The following EPHA6 variants were observed in gnomAD, a reference collection of about 807,000 sequenced individuals.
The protein encoded by EPHA6 is ephrin type-A receptor 6.
A neutral mutation model predicts 112.0 loss-of-function variants in EPHA6; 50 were observed. The ratio of observed to expected loss-of-function variants is 0.45; its 90% CI spans 0.36 to 0.56. The LOEUF is 0.56. EPHA6 is among the 20% of genes least tolerant of loss of function. The pLI, the probability that EPHA6 is intolerant of heterozygous loss-of-function variation, is 0.00. For missense variants in EPHA6, 1,280 were observed against 1,417.4 expected, an observed-to-expected ratio of 0.90 and a Z score of 1.56; for synonymous variants, 529 against 490.7, an observed-to-expected ratio of 1.08 and a Z score of -1.03.
chr3:97,738,378 A>G (rs2035363970), intron 16 of EPHA6, among the ~76,000 whole-genome samples: 1 of 152,102 alleles, frequency 6.6e-6, no homozygotes, highest in Admixed American at 6.6e-5. Context: ...TAGAGTTAAC[A>G]GAATCCACAA....
intron 6 of EPHA6, among the ~76,000 whole-genome samples, chr3:97,408,244 G>A (rs2087488393): frequency 6.6e-6 from 1 of 151,912 alleles, no homozygotes; most frequent in South Asian, 2.1e-4. Flanking sequence ...CTGTTACAAT[G>A]ACAATTAAAT....
In EPHA6 at chr3:97,291,773, T is replaced by A. The variant is rs549793825; in HGVS notation, c.1606+47486T>A. Among the ~76,000 whole-genome samples, 43 of 152,312 alleles carry A rather than the reference T, an allele frequency of 2.8e-4. No homozygotes were observed. The East Asian group carries it at 6.9e-3, about 25-fold the overall frequency. ...ATCCCTTTATTCTATAATGACCTTG[T>A]CTCTTTTTACTGCTTTTGACTTAAA... On this transcript the variant is annotated intron_variant, in intron 5 of 17. Transcript: ENST00000389672.
At chr3:97,058,047 G>T (rs538173624) in intron 3 of EPHA6, among the ~76,000 whole-genome samples, 9 of 150,938 alleles carry the variant, frequency 6.0e-5, no homozygotes, top group African/African-American at 2.2e-4. Context: ...GTTTTTAGTT[G>T]TAAAAAGTGA....
chr3:97,495,228 AT>A (rs1383037596), intron 10 of EPHA6, among the ~76,000 whole-genome samples: 1 of 151,592 alleles, frequency 6.6e-6, no homozygotes, highest in Non-Finnish European at 1.5e-5. Context: ...GCAATATTAT[AT>A]TTTTATAGGT....
chr3:96,936,662 G>C (rs1465214116), intron 2 of EPHA6, among the ~76,000 whole-genome samples: 2 of 151,680 alleles, frequency 1.3e-5, no homozygotes, highest in African/African-American at 4.8e-5. Flanking sequence ...ACAATGTGCA[G>C]GTTTGTTACA....
At chr3:96,959,141 C>T (rs1270595872) in intron 2 of EPHA6, among the ~76,000 whole-genome samples, 3 of 151,646 alleles carry the variant, frequency 2.0e-5, no homozygotes, top group Non-Finnish European at 2.9e-5. Flanking sequence ...CTTGAGTGTT[C>T]CAATTGCTCC....
At chr3:97,178,003 C>T (rs1455470795) in intron 3 of EPHA6, among the ~76,000 whole-genome samples, 2 of 151,792 alleles carry the variant, frequency 1.3e-5, no homozygotes, top group African/African-American at 2.4e-5. Context: ...ACTTGGTTTT[C>T]TGATTGTTTT....
intron 14 of EPHA6, among the ~76,000 whole-genome samples, chr3:97,668,865 T>C (rs180775259): frequency 0.011 from 1,284 of 118,466 alleles, 18 homozygotes; most frequent in African/African-American, 0.039. Flanking sequence ...GTGAGCCAGA[T>C]GGTGCCACTG....
At position 97,290,192 on chromosome 3, in the gene EPHA6, G is replaced by T. The variant is rs576277997; in HGVS notation, c.1606+45905G>T. On this transcript the variant is annotated intron_variant, in intron 5 of 17. Coordinates refer to ENST00000389672, the MANE Select transcript of EPHA6 (RefSeq NM_001080448.3). ...TATTTCAAAGAATTTTTTAAATTCTGTGTTAATTTTGTTGTTTACTCAAAA... is the reference window on the plus strand; with the variant it reads ...TATTTCAAAGAATTTTTTAAATTCTTTGTTAATTTTGTTGTTTACTCAAAA... Among the ~76,000 whole-genome samples, 16 of 152,132 alleles carry T rather than the reference G, an allele frequency of 1.1e-4. No homozygotes were observed. The South Asian group carries it at 3.1e-3, about 30-fold the overall frequency.
intron 12 of EPHA6, among the ~76,000 whole-genome samples, chr3:97,596,286 A>G (rs2093590183): frequency 6.6e-6 from 1 of 152,130 alleles, no homozygotes; most frequent in Non-Finnish European, 1.5e-5. Context: ...ATGTTGTCAA[A>G]CAGTATTTGA....
At chr3:97,736,155 A>G in intron 16 of EPHA6, 37 bp downstream of exon 16, 1 of 1,547,934 alleles carries the variant, frequency 6.5e-7, no homozygotes, top group Non-Finnish European at 8.8e-7. Flanking sequence ...TCTTCTTGAC[A>G]ATTATGGTTT....
chr3:97,269,133 G>T (rs981572863), intron 5 of EPHA6, among the ~76,000 whole-genome samples: 32 of 152,152 alleles, frequency 2.1e-4, no homozygotes, highest in Non-Finnish European at 3.7e-4. Flanking sequence ...TTCATCAGTT[G>T]TTCCCAGATT....
intron 3 of EPHA6, among the ~76,000 whole-genome samples, chr3:97,026,814 G>C (rs1326998055): frequency 1.3e-5 from 2 of 152,068 alleles, no homozygotes; most frequent in Non-Finnish European, 2.9e-5. Context: ...GGAGAAAAAA[G>C]AAATCATATT....
chr3:97,190,911 C>A (rs2077288566), intron 3 of EPHA6, among the ~76,000 whole-genome samples: 1 of 151,988 alleles, frequency 6.6e-6, no homozygotes, highest in Non-Finnish European at 1.5e-5. Flanking sequence ...TAATGTATTG[C>A]AAAAGGTGTA....
intron 10 of EPHA6, among the ~76,000 whole-genome samples, chr3:97,516,582 A>T (rs1046888453): frequency 1.3e-5 from 2 of 152,200 alleles, no homozygotes; most frequent in African/African-American, 4.8e-5. Flanking sequence ...AACATTAATA[A>T]TAACGGAATT....
chr3:97,139,242 G>A lies in EPHA6; in HGVS notation c.1115-87022G>A, dbSNP rs138548405. 5.9e-5 allele frequency among the ~76,000 whole-genome samples: 9 copies of A among 152,224 alleles called. 1 individual carries two copies. The East Asian group carries it at 1.6e-3, about 26-fold the overall frequency. On this transcript the variant is annotated intron_variant, in intron 3 of 17. Transcript: ENST00000389672. Reference sequence around the variant, plus strand: ...AATTCTCTTGATTAACAAAGGGCAAGTAAAAATTTCACTGCCACCAACACA... The same window carrying A: ...AATTCTCTTGATTAACAAAGGGCAAATAAAAATTTCACTGCCACCAACACA...
At chr3:97,414,857 A>G (rs747073844) in intron 6 of EPHA6, among the ~76,000 whole-genome samples, 1 of 151,994 alleles carries the variant, frequency 6.6e-6, no homozygotes, top group African/African-American at 2.4e-5. Flanking sequence ...TTCTATGCCT[A>G]TTGTCCCTCA....
chr3:97,614,843 G>A (rs2093752486), intron 13 of EPHA6, among the ~76,000 whole-genome samples: 1 of 152,056 alleles, frequency 6.6e-6, no homozygotes, highest in African/African-American at 2.4e-5. Flanking sequence ...GCTATCAATT[G>A]AAATAAAGAT....
chr3:97,663,338 T>C (rs1264749222), intron 14 of EPHA6, among the ~76,000 whole-genome samples: 1 of 151,954 alleles, frequency 6.6e-6, no homozygotes, highest in Non-Finnish European at 1.5e-5. Flanking sequence ...TTTTTATATA[T>C]ACTTTTTTTA....
Sources: allele counts gnomAD v4.1 joint callset (sites outside exome capture counted in the v4.1 genomes callset), GRCh38; gene constraint gnomAD v4.1.1; transcripts MANE v1.5; gene names NCBI Gene and HGNC (gene_info 2026-07-23, HGNC 2026-07-21).